The following XPR1 variants were observed in gnomAD, a reference collection of about 807,000 sequenced individuals.
XPR1 encodes solute carrier family 53 member 1.
A neutral mutation model predicts 87.5 loss-of-function variants in XPR1; 28 were observed. That is an observed-to-expected ratio of 0.32 (90% CI 0.24 to 0.44). XPR1 has a LOEUF of 0.44. Among genes scored for constraint, XPR1 ranks in the 20% least tolerant of loss-of-function variants. The probability of loss-of-function intolerance (pLI) is 1.00; values close to 1 mark genes in which losing one functional copy is unlikely to be tolerated. For missense variants in XPR1, 559 were observed against 862.3 expected (o/e 0.65, Z 4.41); for synonymous variants, 300 against 306.1 (o/e 0.98, Z 0.21).
chr1:180,792,240 A>G (rs1649415438), intron 3 of XPR1, among the ~76,000 whole-genome samples: 1 of 152,208 alleles, frequency 6.6e-6, no homozygotes, highest in South Asian at 2.1e-4. Context: ...CACACATTAA[A>G]TAGCTAAAAA....
chr1:180,812,783 G>C lies in XPR1; in HGVS notation c.763+1295G>C, dbSNP rs751358930. On this transcript the variant is annotated intron_variant, in intron 7 of 14. Transcript: ENST00000367590. ...CCTGCCTCAGCCTCCTGAATAGCTGGGATTACAGGCACACACCACCACACC... is the reference window on the plus strand; with the variant it reads ...CCTGCCTCAGCCTCCTGAATAGCTGCGATTACAGGCACACACCACCACACC... Among the ~76,000 whole-genome samples, 114 of 151,692 alleles carry C rather than the reference G, an allele frequency of 7.5e-4. 2 individuals carry two copies. Among genetic ancestry groups the C allele is most frequent in the Non-Finnish European group, 2.7e-4 (18 of 67,914 alleles).
At chr1:180,672,802 T>G (rs1656228438) in intron 1 of XPR1, among the ~76,000 whole-genome samples, 1 of 152,156 alleles carries the variant, frequency 6.6e-6, no homozygotes, top group Admixed American at 6.5e-5. Context: ...TATTCAAATT[T>G]TATTTTTCAA....
chr1:180,754,211 T>C (rs780717230), intron 2 of XPR1, among the ~76,000 whole-genome samples: 1 of 152,220 alleles, frequency 6.6e-6, no homozygotes, highest in East Asian at 1.9e-4. Flanking sequence ...GTATGTCTTA[T>C]ACTATTATCT....
At chr1:180,759,376 A>G (rs187599568) in intron 2 of XPR1, among the ~76,000 whole-genome samples, 1 of 152,234 alleles carries the variant, frequency 6.6e-6, no homozygotes, top group Non-Finnish European at 1.5e-5. Context: ...AGTAAGACTA[A>G]TAAAGAAGAA....
At chr1:180,684,115 C>G (rs1196523238) in intron 2 of XPR1, among the ~76,000 whole-genome samples, 1 of 152,156 alleles carries the variant, frequency 6.6e-6, no homozygotes, top group African/African-American at 2.4e-5. Context: ...ACATTTAAGT[C>G]TTTAATCCAT....
intron 1 of XPR1, among the ~76,000 whole-genome samples, chr1:180,672,860 T>G (rs1374495145): frequency 1.3e-5 from 2 of 152,182 alleles, no homozygotes; most frequent in African/African-American, 4.8e-5. Flanking sequence ...TCTGTTGTAA[T>G]TTTATTCAGT....
At chr1:180,855,680 G>C (rs557534431) in intron 11 of XPR1, among the ~76,000 whole-genome samples, 7 of 150,066 alleles carry the variant, frequency 4.7e-5, no homozygotes, top group South Asian at 2.1e-4. Flanking sequence ...AAAAAAAAGT[G>C]GGGGGAGGGG....
chr1:180,760,269 A>T (rs12058871), intron 2 of XPR1, among the ~76,000 whole-genome samples: 6,710 of 152,166 alleles, frequency 0.044, 533 homozygotes, highest in African/African-American at 0.15. Flanking sequence ...GCCAGGGCAA[A>T]CAGGCAGGAG....
intron 2 of XPR1, among the ~76,000 whole-genome samples, chr1:180,699,677 G>A (rs1251175082): frequency 4.7e-5 from 6 of 127,010 alleles, no homozygotes; most frequent in South Asian, 2.7e-4. Flanking sequence ...GTAAACATAC[G>A]TGTGCATGTG....
chr1:180,647,106 A>G (rs944468441), intron 1 of XPR1, among the ~76,000 whole-genome samples: 1 of 152,228 alleles, frequency 6.6e-6, no homozygotes, highest in Non-Finnish European at 1.5e-5. Context: ...AAGGAGCAGC[A>G]ACCTAGATCC....
chr1:180,790,846 A>G (rs555645141), intron 3 of XPR1, among the ~76,000 whole-genome samples: 15 of 152,250 alleles, frequency 9.9e-5, no homozygotes, highest in Non-Finnish European at 1.9e-4. Context: ...CAGCCAAAAT[A>G]TAAATATTAT....
intron 12 of XPR1, among the ~76,000 whole-genome samples, chr1:180,865,124 T>C (rs1652344121): frequency 6.6e-6 from 1 of 152,204 alleles, no homozygotes; most frequent in Non-Finnish European, 1.5e-5. Context: ...AAGAATGATA[T>C]GTAGAGTAAC....
chr1:180,859,314 T>G (rs1468576731), intron 11 of XPR1, among the ~76,000 whole-genome samples: 1 of 152,208 alleles, frequency 6.6e-6, no homozygotes, highest in Non-Finnish European at 1.5e-5. Context: ...TTTATTTGTT[T>G]TAAATTCATG....
chr1:180,852,498 A>G (rs1651897461), intron 11 of XPR1, among the ~76,000 whole-genome samples: 1 of 151,878 alleles, frequency 6.6e-6, no homozygotes, highest in East Asian at 1.9e-4. Context: ...CAGTCTGAAA[A>G]CTTTATGCTA....
chr1:180,818,495 A>G (rs932044361), intron 7 of XPR1, among the ~76,000 whole-genome samples: 1 of 152,152 alleles, frequency 6.6e-6, no homozygotes, highest in East Asian at 1.9e-4. Context: ...TCTGCTGAGA[A>G]AAACCAATTT....
chr1:180,708,814 T>C (rs1452742670), intron 2 of XPR1, among the ~76,000 whole-genome samples: 1 of 150,932 alleles, frequency 6.6e-6, no homozygotes, highest in Admixed American at 6.7e-5. Flanking sequence ...TTCCCCAAAA[T>C]GAAATGTCGA....
At chr1:180,836,319 T>C (rs982427420) in intron 10 of XPR1, among the ~76,000 whole-genome samples, 2 of 151,366 alleles carry the variant, frequency 1.3e-5, no homozygotes, top group African/African-American at 2.4e-5. Context: ...ATTGTGCCAC[T>C]GCACTCCAGC....
intron 11 of XPR1, among the ~76,000 whole-genome samples, chr1:180,853,416 G>C (rs1297695063): frequency 6.6e-6 from 1 of 151,970 alleles, no homozygotes; most frequent in African/African-American, 2.4e-5. Flanking sequence ...TGTGTTTCCT[G>C]TATCTTTGGT....
intron 2 of XPR1, among the ~76,000 whole-genome samples, chr1:180,740,190 A>G (rs966097345): frequency 2.0e-5 from 3 of 152,160 alleles, no homozygotes; most frequent in African/African-American, 7.2e-5. Context: ...TGCACTGACC[A>G]GGATTTTCAG....
Sources: gnomAD v4.1 joint callset for allele counts (sites outside exome capture counted in the v4.1 genomes callset) on GRCh38, gnomAD v4.1.1 for gene constraint, MANE v1.5 for transcripts, NCBI Gene and HGNC (gene_info 2026-07-23, HGNC 2026-07-21) for gene names.